The following PDGFD variants were observed in gnomAD, a reference collection of about 807,000 sequenced individuals.
The protein encoded by PDGFD is platelet-derived growth factor D.
In PDGFD, 30 loss-of-function variants were observed where a neutral mutation model predicts 44.7. The ratio of observed to expected loss-of-function variants is 0.67; its 90% CI spans 0.50 to 0.91. The LOEUF (loss-of-function observed/expected upper bound fraction) is 0.91, where lower values mean the gene tolerates loss of function less well. PDGFD is among the 40% of genes least tolerant of loss of function. The pLI is 0.00. For missense variants in PDGFD, 445 were observed against 457.8 expected (o/e 0.97, Z 0.25); for synonymous variants, 173 against 168.4 (o/e 1.03, Z -0.21).
chr11:104,112,641 A>G (rs771640773), intron 1 of PDGFD, among the ~76,000 whole-genome samples: 3 of 152,118 alleles, frequency 2.0e-5, no homozygotes, highest in African/African-American at 4.8e-5. Context: ...TCGATGATAG[A>G]CTGCATAAAG....
chr11:104,016,830 C>A (rs1859864992), intron 1 of PDGFD, among the ~76,000 whole-genome samples: 1 of 152,146 alleles, frequency 6.6e-6, no homozygotes, highest in South Asian at 2.1e-4. Flanking sequence ...GTGGGATTGG[C>A]AGAAAAATCT....
intron 3 of PDGFD, among the ~76,000 whole-genome samples, chr11:103,957,393 G>C (rs1217543122): frequency 6.6e-6 from 1 of 152,120 alleles, no homozygotes; most frequent in Non-Finnish European, 1.5e-5. Context: ...AATCAAAAAA[G>C]AGCCCGCATC....
Position 103,967,520 on chromosome 11 carries a change from C to T in PDGFD, c.511-19796G>A, listed in dbSNP as rs540580903. On this transcript the variant is annotated intron_variant, in intron 3 of 6. Transcript: ENST00000393158. ...TCTCTCTTCGATCTCACTGAGCCCT[C>T]CAGACTTCACCCCTCTATATTCCCA... 3.9e-5 allele frequency among the ~76,000 whole-genome samples: 6 copies of T among 152,324 alleles called. No homozygotes were observed. The South Asian group carries it at 1.2e-3, about 32-fold the overall frequency.
At chr11:104,040,853 T>C (rs1043055398) in intron 1 of PDGFD, among the ~76,000 whole-genome samples, 1 of 152,014 alleles carries the variant, frequency 6.6e-6, no homozygotes, top group African/African-American at 2.4e-5. Context: ...TGAAATGAAA[T>C]AATAGGATAT....
In PDGFD at chr11:103,909,284, A is replaced by C. The variant is rs1286422706; in HGVS notation, c.*410T>G. The C allele has an allele frequency of 1.3e-5, 2 of 153,356 alleles. No individual in the cohort carries two copies. The highest frequency in any genetic ancestry group is 2.9e-5 in the Non-Finnish European group (2 of 68,864). The allele number at this position is 153,356 out of a possible 1,614,324, so 9.5% of individuals were successfully genotyped here. ...AATTTAAAAATAAATTTATCTCCTA[A>C]ATTTTCTAAAGACATGTTTCATATA... On this transcript the variant is annotated 3_prime_UTR_variant, in exon 7 of 7. Transcript: ENST00000393158.
chr11:104,040,718 A>T (rs1860333774), intron 1 of PDGFD, among the ~76,000 whole-genome samples: 1 of 151,496 alleles, frequency 6.6e-6, no homozygotes, highest in African/African-American at 2.4e-5. Flanking sequence ...GTGATTTTAA[A>T]TTTTTTTTGA....
intron 1 of PDGFD, among the ~76,000 whole-genome samples, chr11:104,028,046 C>T (rs1239073746): frequency 2.0e-5 from 3 of 151,854 alleles, no homozygotes; most frequent in East Asian, 1.9e-4. Context: ...AAAAATTAGC[C>T]GGGCATGGTG....
chr11:104,128,588 T>A (rs1343134886), intron 1 of PDGFD, among the ~76,000 whole-genome samples: 8 of 152,120 alleles, frequency 5.3e-5, no homozygotes, highest in Non-Finnish European at 1.5e-5. Context: ...AAACAATGAA[T>A]AAAATATATT....
intron 1 of PDGFD, among the ~76,000 whole-genome samples, chr11:104,002,513 C>T (rs1859635566): frequency 6.6e-6 from 1 of 152,192 alleles, no homozygotes; most frequent in Non-Finnish European, 1.5e-5. Flanking sequence ...GCTCCTATGC[C>T]ATATGGAACT....
chr11:104,110,328 T>C (rs934412961), intron 1 of PDGFD, among the ~76,000 whole-genome samples: 2 of 151,634 alleles, frequency 1.3e-5, no homozygotes, highest in African/African-American at 4.8e-5. Context: ...AATTAAAGAA[T>C]TGAGATTTAA....
chr11:103,987,677 G>C lies in PDGFD; in HGVS notation c.510+8388C>G, dbSNP rs539550311. Among the ~76,000 whole-genome samples, 3 of 152,230 alleles carry C rather than the reference G, an allele frequency of 2.0e-5. No homozygotes were observed. In the East Asian group the frequency reaches 5.8e-4, roughly 29 times the overall value. ...GAAACTGCTACTTTTGAGTCCTTTT[G>C]GCTTCTTGTATCTTTTGCCTAGTAG... On this transcript the variant is annotated intron_variant, in intron 3 of 6. Coordinates refer to ENST00000393158, the MANE Select transcript of PDGFD (RefSeq NM_025208.5).
intron 1 of PDGFD, among the ~76,000 whole-genome samples, chr11:104,051,917 AAC>A (rs1434162095): frequency 6.6e-6 from 1 of 152,196 alleles, no homozygotes; most frequent in Non-Finnish European, 1.5e-5. Context: ...AGCGGCAGTT[AAC>A]ACATTCACAA....
chr11:103,927,061 T>C lies in PDGFD; in HGVS notation c.838A>G (p.Asn280Asp). 6.2e-7 allele frequency: 1 copy of C among 1,614,210 alleles called. No individual in the cohort carries two copies. The highest frequency in any genetic ancestry group is 1.1e-5 in the South Asian group (1 of 91,080). ...YSCTPRNYSV[N>D]IREELKLANV... is the part of the protein sequence containing the mutation. ...GCCAACTTCAGCTCTTCTCTTATATTGACCGAGTAATTCCTGGGAGTGCAA... is the reference window on the plus strand; with the variant it reads ...GCCAACTTCAGCTCTTCTCTTATATCGACCGAGTAATTCCTGGGAGTGCAA... The change falls in exon 6 of 7, where the codon AAT becomes GAT. Residue 280 changes from asparagine to aspartate, a missense_variant. Physicochemically the swap from Asn to Asp is conservative, Grantham distance 23. Transcript: ENST00000393158.
In PDGFD at chr11:104,144,538, A is replaced by AAAAAAAAAAAAAAAACC. The variant is rs1565347744; in HGVS notation, c.124+19265_124+19266insGGTTTTTTTTTTTTTTT. ...AAAAAAAAAAAAAAAACCCAACAAA[A>AAAAAAAAAAAAAAAACC]CAAAACAAACAAACAAAAAGGCCAA... On this transcript the variant is annotated intron_variant, in intron 1 of 6. Coordinates refer to ENST00000393158, the MANE Select transcript of PDGFD (RefSeq NM_025208.5). Among the ~76,000 whole-genome samples the AAAAAAAAAAAAAAAACC allele has an allele frequency of 5.2e-5, 7 of 134,228 alleles. 1 individual carries two copies. Among genetic ancestry groups the AAAAAAAAAAAAAAAACC allele is most frequent in the African/African-American group, 2.2e-4 (7 of 32,288 alleles). 88.1% of individuals were successfully genotyped at this position (134,228 alleles called of 152,430 possible). A position where few individuals can be genotyped will look rare whatever the true frequency, so the allele number is the denominator to read the frequency against.
chr11:104,135,214 T>C (rs902295235), intron 1 of PDGFD, among the ~76,000 whole-genome samples: 2 of 152,220 alleles, frequency 1.3e-5, no homozygotes, highest in Admixed American at 1.3e-4. Context: ...AGATAGTGGT[T>C]ACCCTTTCAG....
At chr11:103,956,345 G>GA (rs1423355217) in intron 3 of PDGFD, among the ~76,000 whole-genome samples, 4 of 150,948 alleles carry the variant, frequency 2.6e-5, no homozygotes, top group Non-Finnish European at 5.9e-5. Flanking sequence ...AGATTACTGA[G>GA]AATGATGATT....
At chr11:104,090,995 T>G (rs1861205201) in intron 1 of PDGFD, among the ~76,000 whole-genome samples, 1 of 152,180 alleles carries the variant, frequency 6.6e-6, no homozygotes, top group South Asian at 2.1e-4. Context: ...AGCCCCCCCA[T>G]GCAAACTACC....
intron 1 of PDGFD, among the ~76,000 whole-genome samples, chr11:104,155,096 C>T (rs1021490824): frequency 2.6e-5 from 4 of 152,176 alleles, no homozygotes; most frequent in African/African-American, 9.7e-5. Flanking sequence ...TAACACAAAT[C>T]TATCAGTTAT....
chr11:103,950,239 A>G (rs533630632), intron 3 of PDGFD, among the ~76,000 whole-genome samples: 1 of 152,170 alleles, frequency 6.6e-6, no homozygotes, highest in East Asian at 1.9e-4. Flanking sequence ...ATCTAGTCCA[A>G]TCTCCTTATT....
Sources: gnomAD v4.1 joint callset for allele counts (sites outside exome capture counted in the v4.1 genomes callset) on GRCh38, gnomAD v4.1.1 for gene constraint, MANE v1.5 for transcripts, NCBI Gene and HGNC (gene_info 2026-07-23, HGNC 2026-07-21) for gene names.